Variants in LYZL4 observed in about 807,000 individuals in gnomAD.
The protein encoded by LYZL4 is lysozyme like 4.
A neutral mutation model predicts 17.6 loss-of-function variants in LYZL4; 13 were observed. The observed-to-expected ratio is 0.74, with a 90% CI of 0.48 to 1.18. LYZL4 has a LOEUF of 1.18. Ranked by LOEUF, LYZL4 falls within the 50% of genes most tolerant of loss-of-function variation. The probability of loss-of-function intolerance (pLI) is 0.00; values close to 1 mark genes in which losing one functional copy is unlikely to be tolerated. For missense variants in LYZL4, 174 were observed against 188.2 expected (o/e 0.92, Z 0.44); for synonymous variants, 64 against 67.7 (o/e 0.95, Z 0.27).
the LYZL4 span, among the ~76,000 whole-genome samples, chr3:42,361,049 G>A: frequency 6.6e-6 from 1 of 151,972 alleles, no homozygotes; most frequent in Admixed American, 6.6e-5. Context: ...ATTTCCACTC[G>A]TATCCCCTCC....
At chr3:42,363,418 G>A in the LYZL4 span, among the ~76,000 whole-genome samples, 7 of 152,146 alleles carry the variant, frequency 4.6e-5, no homozygotes, top group East Asian at 3.9e-4. Context: ...GTGAAGTATC[G>A]TGATAGCTGC....
chr3:42,407,876 G>A lies in LYZL4; in HGVS notation c.-92-533C>T, dbSNP rs144893196. On this transcript the variant is annotated intron_variant, in intron 1 of 4. Coordinates refer to ENST00000287748, the MANE Select transcript of LYZL4 (RefSeq NM_144634.4). ...AAACTCCCCTGAGTTTTTCCCTGCC[G>A]TCCACGCAATGAGACAAGCCCAGAC... Among the ~76,000 whole-genome samples the A allele has an allele frequency of 2.8e-4, 42 of 151,902 alleles. 1 individual carries two copies. Among genetic ancestry groups the A allele is most frequent in the East Asian group, 7.8e-4 (4 of 5,154 alleles).
At chr3:42,387,985 C>T in the LYZL4 span, among the ~76,000 whole-genome samples, 16 of 152,270 alleles carry the variant, frequency 1.1e-4, no homozygotes, top group African/African-American at 3.4e-4. Context: ...TAGCAACAAA[C>T]ACTGCAACCA....
the LYZL4 span, among the ~76,000 whole-genome samples, chr3:42,376,333 T>C: frequency 6.6e-6 from 1 of 152,126 alleles, no homozygotes; most frequent in Non-Finnish European, 1.5e-5. Context: ...CCCTCTGCCC[T>C]GGGAAGCCTG....
At chr3:42,402,278 C>T (rs1263372792) in intron 4 of LYZL4, among the ~76,000 whole-genome samples, 2 of 151,014 alleles carry the variant, frequency 1.3e-5, no homozygotes, top group East Asian at 3.9e-4. Flanking sequence ...TGCACTCTAG[C>T]CAGGGTGACA....
downstream of LYZL4, chr3:42,396,979 C>T: frequency 4.2e-6 from 1 of 237,100 alleles, no homozygotes; most frequent in Non-Finnish European, 8.2e-6. Context: ...AATTTCCTTC[C>T]TTCAATTCCT....
At chr3:42,367,211 G>A in the LYZL4 span, among the ~76,000 whole-genome samples, 1 of 152,154 alleles carries the variant, frequency 6.6e-6, no homozygotes, top group Non-Finnish European at 1.5e-5. Context: ...CCTGCCCACT[G>A]ACCCCCTACC....
the LYZL4 span, among the ~76,000 whole-genome samples, chr3:42,380,561 A>G: frequency 1.3e-5 from 2 of 152,130 alleles, no homozygotes; most frequent in African/African-American, 4.8e-5. Context: ...TGTATACATA[A>G]TTGTCCCTCC....
At chr3:42,401,740 T>C (rs1300920452) in intron 4 of LYZL4, among the ~76,000 whole-genome samples, 1 of 152,036 alleles carries the variant, frequency 6.6e-6, no homozygotes, top group Non-Finnish European at 1.5e-5. Flanking sequence ...CACCCATTCA[T>C]GATTTAAAAA....
At chr3:42,380,041 G>A in the LYZL4 span, among the ~76,000 whole-genome samples, 3 of 152,214 alleles carry the variant, frequency 2.0e-5, no homozygotes, top group South Asian at 2.1e-4. Context: ...GAAGACAGCC[G>A]TCTGCAAACT....
downstream of LYZL4, among the ~76,000 whole-genome samples, chr3:42,395,860 AGACCATCCTGGCCAACATGGTGAAACCCC>A: frequency 6.6e-6 from 1 of 152,264 alleles, no homozygotes; most frequent in East Asian, 1.9e-4. Flanking sequence ...CAGGAGTTCA[AGACCATCCTGGCCAACATGGTGAAACCCC>A]GTCTTTACTA....
At chr3:42,369,854 C>A in the LYZL4 span, among the ~76,000 whole-genome samples, 1 of 152,284 alleles carries the variant, frequency 6.6e-6, no homozygotes, top group African/African-American at 2.4e-5. Flanking sequence ...ATGCAGGCTG[C>A]TCCCTTCGAG....
downstream of LYZL4, among the ~76,000 whole-genome samples, chr3:42,396,424 T>C (rs1698550068): frequency 1.3e-5 from 2 of 152,354 alleles, no homozygotes; most frequent in East Asian, 3.9e-4. Flanking sequence ...AAATAAGCTG[T>C]AAGCCACTAA....
chr3:42,375,803 C>T, the LYZL4 span, among the ~76,000 whole-genome samples: 4 of 152,156 alleles, frequency 2.6e-5, no homozygotes, highest in African/African-American at 9.7e-5. Context: ...TCTTCAGGCT[C>T]CACCAGCAGC....
At chr3:42,404,695 G>A (rs1698718494) in intron 3 of LYZL4, among the ~76,000 whole-genome samples, 1 of 152,000 alleles carries the variant, frequency 6.6e-6, no homozygotes, top group Admixed American at 6.6e-5. Flanking sequence ...TTTATAGATA[G>A]ATATCTATAT....
At chr3:42,395,140 G>A (rs191570524), downstream of LYZL4, among the ~76,000 whole-genome samples, 250 of 152,262 alleles carry the variant, frequency 1.6e-3, no homozygotes, top group African/African-American at 5.7e-3. Context: ...CTCAACAGTC[G>A]TTACTGAACT....
chr3:42,380,907 A>G, the LYZL4 span, among the ~76,000 whole-genome samples: 2 of 152,212 alleles, frequency 1.3e-5, no homozygotes, highest in African/African-American at 2.4e-5. Context: ...GTATTTGGCC[A>G]TGTTATTGGC....
the LYZL4 span, among the ~76,000 whole-genome samples, chr3:42,363,731 C>G: frequency 3.3e-5 from 5 of 152,062 alleles, no homozygotes; most frequent in South Asian, 2.1e-4. Context: ...GAAGGGCGGA[C>G]AGAAAAAGCA....
chr3:42,361,772 G>A, the LYZL4 span, among the ~76,000 whole-genome samples: 1 of 152,062 alleles, frequency 6.6e-6, no homozygotes, highest in Admixed American at 6.6e-5. Context: ...TTTTAGAGCA[G>A]GGTTTAGGTT....
Sources: allele counts gnomAD v4.1 joint callset (sites outside exome capture counted in the v4.1 genomes callset), GRCh38; gene constraint gnomAD v4.1.1; transcripts MANE v1.5; gene names NCBI Gene and HGNC (gene_info 2026-07-23, HGNC 2026-07-21).